Variants in ITGA2 observed in about 807,000 individuals in gnomAD.
ITGA2 encodes integrin alpha-2.
ITGA2 carries 101 observed loss-of-function variants against 146.3 expected under a neutral mutation model. That is an observed-to-expected ratio of 0.69 (90% CI 0.59 to 0.81). The LOEUF is 0.81. ITGA2 is among the 40% of genes least tolerant of loss of function. The pLI is 0.00. For missense variants in ITGA2, 1,281 were observed against 1,402.7 expected, an observed-to-expected ratio of 0.91 and a Z score of 1.39; for synonymous variants, 477 against 487.1, an observed-to-expected ratio of 0.98 and a Z score of 0.27.
At position 53,066,900 on chromosome 5, in the gene ITGA2, A is replaced by G. The variant is rs564957364; in HGVS notation, c.1944-218A>G. ...AAGTATAATAAATAACTAATATGTT[A>G]AACATGTATTGTGTTAGTGATGCAG... On this transcript the variant is annotated intron_variant, in intron 15 of 29. Coordinates refer to ENST00000296585, the MANE Select transcript of ITGA2 (RefSeq NM_002203.4). Among the ~76,000 whole-genome samples the G allele has an allele frequency of 2.6e-5, 4 of 152,080 alleles. No homozygotes were observed. The South Asian group carries it at 8.3e-4, about 31-fold the overall frequency.
At position 53,094,368 on chromosome 5, in the gene ITGA2, C is replaced by A. The variant is rs1027130762; in HGVS notation, c.*3769C>A. Reference sequence around the variant, plus strand: ...TGTAGCCATTATGTAAATAAAGTTTCATATGTACCTGTTTATTTTGGCAGA... The same window carrying A: ...TGTAGCCATTATGTAAATAAAGTTTAATATGTACCTGTTTATTTTGGCAGA... On this transcript the variant is annotated 3_prime_UTR_variant, in exon 30 of 30. Coordinates refer to ENST00000296585, the MANE Select transcript of ITGA2 (RefSeq NM_002203.4). 2 of 152,102 alleles carry A rather than the reference C, an allele frequency of 1.3e-5. No individual in the cohort carries two copies. Among genetic ancestry groups the A allele is most frequent in the African/African-American group, 4.8e-5 (2 of 41,414 alleles). The allele number at this position is 152,102 out of a possible 1,614,324, so 9.4% of individuals were successfully genotyped here.
At chr5:53,020,989 C>T (rs1399237328) in intron 1 of ITGA2, among the ~76,000 whole-genome samples, 4 of 152,012 alleles carry the variant, frequency 2.6e-5, no homozygotes, top group South Asian at 2.1e-4. Context: ...GCCACCGTGC[C>T]GGCCTTTTTA....
Position 53,059,953 on chromosome 5 carries a change from T to C in ITGA2, c.1253T>C (p.Ile418Thr), listed in dbSNP as rs1193905352. ...CAGAAGACATCTCATGGCCATTTGA[T>C]CTTTCCTAAACAAGCCTTTGACCAA... The part of the protein sequence containing the change: ...IVQKTSHGHL[I>T]FPKQAFDQIL... Residue 418 changes from isoleucine to threonine, a missense_variant, in exon 11 of 30, where the codon ATC becomes ACC. Transcript: ENST00000296585. 2 of 1,612,370 alleles carry C rather than the reference T, an allele frequency of 1.2e-6. No homozygotes were observed. Among genetic ancestry groups the C allele is most frequent in the Non-Finnish European group, 1.7e-6 (2 of 1,178,970 alleles).
Position 53,093,319 on chromosome 5 carries a change from G to A in ITGA2, c.*2720G>A, listed in dbSNP as rs1251655758. 6.6e-6 allele frequency: 1 copy of A among 152,116 alleles called. No homozygotes were observed. Among genetic ancestry groups the A allele is most frequent in the Non-Finnish European group, 1.5e-5 (1 of 68,042 alleles). The allele number at this position is 152,116 out of a possible 1,614,324, so 9.4% of individuals were successfully genotyped here. A position where few individuals can be genotyped will look rare whatever the true frequency, so the allele number is the denominator to read the frequency against. ...TCAGCCTAGTTTACACTGTTTCCAG[G>A]GAGTAGTTGAATTACTATAAACCAT... On this transcript the variant is annotated 3_prime_UTR_variant, in exon 30 of 30. Transcript: ENST00000296585.
In ITGA2 at chr5:52,989,355, G is replaced by A; in HGVS notation, c.-114G>A. The stretch of plus-strand genomic sequence containing the variant: ...CCCTGCTCTCACCGGGCGGGGGAGA[G>A]AAGCCCTCTGGACAGCTTCTAGAGT... On this transcript the variant is annotated 5_prime_UTR_variant, in exon 1 of 30. Coordinates refer to ENST00000296585, the MANE Select transcript of ITGA2 (RefSeq NM_002203.4). 8.9e-7 allele frequency: 1 copy of A among 1,125,618 alleles called. No individual in the cohort carries two copies. The highest frequency in any genetic ancestry group is 1.3e-6 in the Non-Finnish European group (1 of 744,570). 69.7% of individuals were successfully genotyped at this position (1,125,618 alleles called of 1,614,324 possible).
chr5:53,023,158 G>T (rs1335336631), intron 1 of ITGA2, among the ~76,000 whole-genome samples: 1 of 152,208 alleles, frequency 6.6e-6, no homozygotes, highest in Non-Finnish European at 1.5e-5. Context: ...GGTGATAATA[G>T]GCTCCTGGCA....
At chr5:52,989,814 G>GCACACA (rs35389760) in intron 1 of ITGA2, among the ~76,000 whole-genome samples, 2,553 of 145,904 alleles carry the variant, frequency 0.017, 26 homozygotes, top group South Asian at 0.039. Flanking sequence ...GTACACACAC[G>GCACACA]CACACACACA....
rs1457409538 is a variant in ITGA2, at chr5:53,055,658, C to T, written c.900C>T (p.Asn300=). The change falls in exon 8 of 30, where the codon AAC becomes AAT. Residue 300 remains asparagine (N), a synonymous_variant. Coordinates refer to ENST00000296585, the MANE Select transcript of ITGA2 (RefSeq NM_002203.4). ...TGAAAGCTGTGATTGATCAATGCAA[C>T]CATGACAATATACTGAGGTTTGGCA... The part of the protein sequence containing the change: ...SMLKAVIDQC[N]HDNILRFGIA... 1.2e-6 allele frequency: 2 copies of T among 1,613,158 alleles called. No individual in the cohort carries two copies. The highest frequency in any genetic ancestry group is 1.3e-5 in the African/African-American group (1 of 74,870).
At chr5:53,024,794 C>T (rs1047573025) in intron 1 of ITGA2, among the ~76,000 whole-genome samples, 3 of 152,038 alleles carry the variant, frequency 2.0e-5, no homozygotes, top group Non-Finnish European at 2.9e-5. Flanking sequence ...GGAGGGAGGA[C>T]GAGAGTGGTC....
intron 1 of ITGA2, among the ~76,000 whole-genome samples, chr5:53,010,227 C>G (rs543377659): frequency 6.6e-6 from 1 of 152,094 alleles, no homozygotes; most frequent in Non-Finnish European, 1.5e-5. Context: ...AAAATGTTAT[C>G]TCAGCAGAAG....
At chr5:53,046,642 G>T (rs567574805) in intron 4 of ITGA2, among the ~76,000 whole-genome samples, 32 of 151,642 alleles carry the variant, frequency 2.1e-4, no homozygotes, top group Non-Finnish European at 3.1e-4. Flanking sequence ...AAAAGCAAGA[G>T]AATTTGAGAG....
At chr5:53,067,647 A>G (rs3212558) in intron 16 of ITGA2, among the ~76,000 whole-genome samples, 16,703 of 151,992 alleles carry the variant, frequency 0.11, 1,123 homozygotes, top group African/African-American at 0.18. Flanking sequence ...GGTTCAGTAA[A>G]AGTATCAAGT....
At chr5:53,016,785 T>C (rs1742420388) in intron 1 of ITGA2, among the ~76,000 whole-genome samples, 1 of 152,176 alleles carries the variant, frequency 6.6e-6, no homozygotes, top group South Asian at 2.1e-4. Context: ...TGTTCATTCT[T>C]TTTTATTCTT....
intron 1 of ITGA2, among the ~76,000 whole-genome samples, chr5:53,019,333 A>C (rs1404800235): frequency 6.6e-6 from 1 of 152,150 alleles, no homozygotes; most frequent in African/African-American, 2.4e-5. Flanking sequence ...AAAATTTCAA[A>C]AGTAAATAAG....
Position 53,042,217 on chromosome 5 carries a change from G to A in ITGA2, c.291G>A (p.Leu97=), listed in dbSNP as rs186146271. ...CTGCCACATGTGAAAAACTAAATTT[G>A]CAAAGTAAGTTTAAATTTACTTGCA... ...LSTATCEKLN[L]QTSTSIPNVT... is the part of the protein sequence containing the mutation. The change falls in exon 3 of 30, where the codon TTG becomes TTA. Residue 97 remains leucine, a synonymous_variant. Transcript: ENST00000296585. The A allele has an allele frequency of 8.3e-5, 131 of 1,587,176 alleles. No homozygotes were observed. In the East Asian group the frequency reaches 2.6e-3, roughly 32 times the overall value.
At chr5:53,054,764 G>A (rs1744551468) in intron 7 of ITGA2, among the ~76,000 whole-genome samples, 1 of 151,968 alleles carries the variant, frequency 6.6e-6, no homozygotes, top group Admixed American at 6.6e-5. Flanking sequence ...ATGATACAGT[G>A]GACTCTGGGG....
intron 1 of ITGA2, among the ~76,000 whole-genome samples, chr5:53,013,109 G>GTC (rs1221157226): frequency 6.6e-6 from 1 of 151,928 alleles, no homozygotes; most frequent in Non-Finnish European, 1.5e-5. Flanking sequence ...GTTTAATTAG[G>GTC]TCTCACTTGT....
At chr5:52,993,530 T>G (rs957314318) in intron 1 of ITGA2, among the ~76,000 whole-genome samples, 5 of 152,314 alleles carry the variant, frequency 3.3e-5, no homozygotes, top group South Asian at 2.1e-4. Flanking sequence ...CAGGTAGATT[T>G]CAACATCAAG....
rs1026596095 is a variant in ITGA2 at position 53,092,955 on chromosome 5, A to G, written c.*2356A>G. The G allele has an allele frequency of 2.6e-5, 4 of 151,914 alleles. No homozygotes were observed. Among genetic ancestry groups the G allele is most frequent in the Admixed American group, 2.6e-4 (4 of 15,238 alleles). The allele number at this position is 151,914 out of a possible 1,614,324, so 9.4% of individuals were successfully genotyped here. On this transcript the variant is annotated 3_prime_UTR_variant, in exon 30 of 30. Transcript: ENST00000296585. ...AAACCCCATCTCTAATAATATAAAAATTAGCTGGGCGTAGTAGCAGGTGCC... is the reference window on the plus strand; with the variant it reads ...AAACCCCATCTCTAATAATATAAAAGTTAGCTGGGCGTAGTAGCAGGTGCC...
Sources: gnomAD v4.1 joint callset for allele counts (sites outside exome capture counted in the v4.1 genomes callset) on GRCh38, gnomAD v4.1.1 for gene constraint, MANE v1.5 for transcripts, NCBI Gene and HGNC (gene_info 2026-07-23, HGNC 2026-07-21) for gene names.